Variants in SETDB2 observed in about 807,000 individuals in gnomAD.
The protein encoded by SETDB2 is SET domain bifurcated histone lysine methyltransferase 2, also known as histone-lysine N-methyltransferase SETDB2.
SETDB2 carries 56 observed loss-of-function variants against 82.5 expected under a neutral mutation model. The ratio of observed to expected loss-of-function variants is 0.68; its 90% CI spans 0.55 to 0.85. The LOEUF (loss-of-function observed/expected upper bound fraction) is 0.85. Ranked by LOEUF, SETDB2 falls within the 40% of genes least tolerant of loss-of-function variation. SETDB2 has a pLI of 0.00. For synonymous variants in SETDB2, 272 were observed against 284.9 expected (o/e 0.95, Z 0.46); for missense variants, 677 against 816.4 (o/e 0.83, Z 2.08).
intron 4 of SETDB2, 142 bp from the exon 5 acceptor site, chr13:49,467,722 C>T: frequency 2.2e-6 from 1 of 458,906 alleles, no homozygotes; most frequent in South Asian, 5.3e-5. Context: ...AATCTTTTGC[C>T]TCAATCTTGA....
At chr13:49,486,025 A>G (rs1335449927) in intron 11 of SETDB2, among the ~76,000 whole-genome samples, 1 of 151,602 alleles carries the variant, frequency 6.6e-6, no homozygotes, top group Non-Finnish European at 1.5e-5. Flanking sequence ...TTTAGTGTCC[A>G]GAAATAAAGT....
intron 5 of SETDB2, among the ~76,000 whole-genome samples, chr13:49,470,330 T>C (rs907634078): frequency 6.6e-6 from 1 of 152,218 alleles, no homozygotes; most frequent in African/African-American, 2.4e-5. Context: ...TTATTAGGCT[T>C]AGGATTTTCT....
chr13:49,448,975 CT>C (rs1164388773), intron 1 of SETDB2, among the ~76,000 whole-genome samples: 3 of 152,050 alleles, frequency 2.0e-5, no homozygotes, highest in African/African-American at 7.2e-5. Flanking sequence ...ATATTTGTGT[CT>C]TTTATTGATT....
At chr13:49,486,297 C>G (rs1334052329) in intron 11 of SETDB2, among the ~76,000 whole-genome samples, 1 of 86,510 alleles carries the variant, frequency 1.2e-5, no homozygotes, top group East Asian at 4.2e-4. Flanking sequence ...GAACAAGACC[C>G]TGTCTCAAAA....
At chr13:49,475,637 C>G (rs1958340613) in intron 5 of SETDB2, among the ~76,000 whole-genome samples, 1 of 151,936 alleles carries the variant, frequency 6.6e-6, no homozygotes, top group Non-Finnish European at 1.5e-5. Flanking sequence ...CAGGCATGCA[C>G]CACCATACCT....
chr13:49,452,554 A>G (rs1350507485), intron 2 of SETDB2, among the ~76,000 whole-genome samples: 1 of 152,194 alleles, frequency 6.6e-6, no homozygotes, highest in Non-Finnish European at 1.5e-5. Context: ...TTAATGAACC[A>G]ATATTGGCAC....
chr13:49,460,912 G>A (rs721458), intron 3 of SETDB2, among the ~76,000 whole-genome samples, 185 bp from the exon 4 acceptor site: 111,953 of 151,568 alleles, frequency 0.74, 41,772 homozygotes, highest in African/African-American at 0.84. Flanking sequence ...CTTCTTAGCT[G>A]AATGTCCTGG....
intron 6 of SETDB2, among the ~76,000 whole-genome samples, chr13:49,479,096 T>C (rs975742705): frequency 3.9e-5 from 6 of 152,148 alleles, no homozygotes; most frequent in Non-Finnish European, 8.8e-5. Flanking sequence ...TTTTTTATAA[T>C]GAAAAATACA....
rs116207278 is a variant in SETDB2, at chr13:49,482,265, G to A, written c.1157-472G>A. ...TTGAATCCCTTGAAAGAAAATGCAT[G>A]AACTTTAGACCAAGATTTTAGTGTT... On this transcript the variant is annotated intron_variant, in intron 8 of 13. Transcript: ENST00000611815. 4.5e-3 allele frequency: 4,467 copies of A among 985,378 alleles called. 143 individuals are homozygous for A. The African/African-American group carries it at 0.072, about 16-fold the overall frequency. The allele number at this position is 985,378 out of a possible 1,614,324, so 61.0% of individuals were successfully genotyped here.
At chr13:49,466,843 A>G (rs1182321046) in intron 4 of SETDB2, among the ~76,000 whole-genome samples, 1 of 139,222 alleles carries the variant, frequency 7.2e-6, no homozygotes, top group Non-Finnish European at 1.5e-5. Context: ...TGTCGTAGAG[A>G]CAGGGCCTTG....
chr13:49,474,038 G>A (rs1032569651), intron 5 of SETDB2, among the ~76,000 whole-genome samples: 1 of 152,204 alleles, frequency 6.6e-6, no homozygotes, highest in African/African-American at 2.4e-5. Flanking sequence ...GAGGTGGGTG[G>A]ATCACTTGAG....
At chr13:49,456,927 A>G (rs1232971701) in intron 2 of SETDB2, among the ~76,000 whole-genome samples, 2 of 152,232 alleles carry the variant, frequency 1.3e-5, no homozygotes, top group East Asian at 3.8e-4. Flanking sequence ...CATTTTAATG[A>G]AAATTAAACC....
At chr13:49,462,696 A>C (rs1366756792) in intron 4 of SETDB2, among the ~76,000 whole-genome samples, 4 of 152,240 alleles carry the variant, frequency 2.6e-5, no homozygotes, top group Non-Finnish European at 4.4e-5. Flanking sequence ...TGTTGTCAAT[A>C]AATGTCAATA....
At chr13:49,453,217 A>G in intron 2 of SETDB2, among the ~76,000 whole-genome samples, 1 of 152,130 alleles carries the variant, frequency 6.6e-6, no homozygotes, top group East Asian at 1.9e-4. Flanking sequence ...TTTTTGAGTT[A>G]CAAGCCAGTA....
chr13:49,477,005 G>C lies in SETDB2; in HGVS notation c.835G>C (p.Asp279His). 1.9e-6 allele frequency: 3 copies of C among 1,609,472 alleles called. No homozygotes were observed. The highest frequency in any genetic ancestry group is 2.5e-6 in the Non-Finnish European group (3 of 1,179,168). ...AACCAACTTTTCCAGCATGTTTACTGATTCCTGTGACTGCTCTGAGGGCTG... is the reference window on the plus strand; with the variant it reads ...AACCAACTTTTCCAGCATGTTTACTCATTCCTGTGACTGCTCTGAGGGCTG... ...NLTNFSSMFT[D>H]SCDCSEGCID... is the part of the protein sequence containing the mutation. The change falls in exon 6 of 14, where the codon GAT becomes CAT. Residue 279 changes from aspartate to histidine, a missense_variant. By Grantham distance (81) the Asp-to-His change is moderately conservative. Around this residue, in one of 3 missense-constraint regions of SETDB2, gnomAD observed 420 missense variants for 554.6 expected, o/e 0.76. Coordinates refer to ENST00000611815, the MANE Select transcript of SETDB2 (RefSeq NM_001160308.3).
Position 49,469,718 on chromosome 13 carries a change from T to C in SETDB2, c.305+1758T>C, listed in dbSNP as rs565625367. Among the ~76,000 whole-genome samples the C allele has an allele frequency of 3.9e-5, 6 of 152,308 alleles. 1 individual carries two copies. In the South Asian group the frequency reaches 1.2e-3, roughly 32 times the overall value. On this transcript the variant is annotated intron_variant, in intron 5 of 13. Transcript: ENST00000611815. Reference sequence around the variant, plus strand: ...TTAATTTTTCTATATTTGAAGTTTTTTTTTCCAGACCTTGAGATTTAATTT... The same window carrying C: ...TTAATTTTTCTATATTTGAAGTTTTCTTTTCCAGACCTTGAGATTTAATTT...
chr13:49,452,555 A>G (rs549097823), intron 2 of SETDB2, among the ~76,000 whole-genome samples: 3 of 152,298 alleles, frequency 2.0e-5, no homozygotes, highest in South Asian at 4.1e-4. Context: ...TAATGAACCA[A>G]TATTGGCACA....
At chr13:49,488,032 G>A (rs1416311533) in intron 11 of SETDB2, among the ~76,000 whole-genome samples, 1 of 152,198 alleles carries the variant, frequency 6.6e-6, no homozygotes, top group African/African-American at 2.4e-5. Context: ...AAAAGGCATT[G>A]TTACGTAGTA....
At position 49,488,639 on chromosome 13, in the gene SETDB2, A is replaced by G; in HGVS notation, c.1917+9A>G. The G allele has an allele frequency of 1.3e-6, 2 of 1,549,720 alleles. No homozygotes were observed. The highest frequency in any genetic ancestry group is 1.2e-5 in the South Asian group (1 of 80,244). The stretch of plus-strand genomic sequence containing the variant: ...TCGGCCGCTTCCTTAATGTGAGTAT[A>G]AGGGCTGAGATTCCTATTTCTGAAC... On this transcript the variant is annotated intron_variant, in intron 12 of 13. Transcript: ENST00000611815.
Sources: allele counts gnomAD v4.1 joint callset (sites outside exome capture counted in the v4.1 genomes callset), GRCh38; gene constraint gnomAD v4.1.1; regional missense constraint gnomAD v4.1.1; transcripts MANE v1.5; gene names NCBI Gene and HGNC (gene_info 2026-07-23, HGNC 2026-07-21).